DBNDD2: variants seen among roughly 807,000 people sequenced by gnomAD.
The protein encoded by DBNDD2 is dysbindin domain-containing protein 2.
Under a neutral mutation model 14.0 loss-of-function variants are expected in DBNDD2, and 8 were observed. The ratio of observed to expected loss-of-function variants is 0.57; its 90% CI spans 0.33 to 1.03. The LOEUF is 1.03. Ranked by LOEUF, DBNDD2 falls within the 50% of genes least tolerant of loss-of-function variation. DBNDD2 has a pLI of 0.03. For synonymous variants in DBNDD2, 94 were observed against 85.3 expected (o/e 1.10, Z -0.56); for missense variants, 194 against 206.0 (o/e 0.94, Z 0.36).
upstream of DBNDD2, chr20:45,406,525 G>C: frequency 2.6e-6 from 4 of 1,521,604 alleles, no homozygotes; most frequent in African/African-American, 2.9e-5. Context: ...TCCGACCGCC[G>C]GGCGAGCTGC....
upstream of DBNDD2, chr20:45,406,409 C>T (rs748007795): frequency 6.8e-7 from 1 of 1,479,726 alleles, no homozygotes; most frequent in South Asian, 1.3e-5. Context: ...GCGTCGGTGG[C>T]GAGGGTGGTG....
rs890474230 is a variant in DBNDD2 at position 45,410,485 on chromosome 20, G to A, written c.*345G>A. The A allele has an allele frequency of 3.7e-5, 11 of 297,270 alleles. No homozygotes were observed. Among genetic ancestry groups the A allele is most frequent in the Non-Finnish European group, 5.9e-5 (9 of 152,468 alleles). 18.4% of individuals were successfully genotyped at this position (297,270 alleles called of 1,614,324 possible). A position where few individuals can be genotyped will look rare whatever the true frequency, so the allele number is the denominator to read the frequency against. On this transcript the variant is annotated 3_prime_UTR_variant, in exon 3 of 3. Coordinates refer to ENST00000372710, the MANE Select transcript of DBNDD2 (RefSeq NM_001048225.4). ...TTCTAATACAGTCTCTCAGACAAGT[G>A]TCTCTAGATGGATGTGAACTCCTTA... is the stretch of plus-strand genomic sequence containing the variant.
Position 45,408,324 on chromosome 20 carries a change from A to G in DBNDD2, c.-144A>G, listed in dbSNP as rs745994960. The G allele has an allele frequency of 5.6e-6, 9 of 1,595,226 alleles. No individual in the cohort carries two copies. Among genetic ancestry groups the G allele is most frequent in the Non-Finnish European group, 7.7e-6 (9 of 1,170,800 alleles). Reference sequence around the variant, plus strand: ...TCAGGGAAGGGGAAAGAGGTCACCAAGGGCAGAGGTGTCCAGGCCGGAGCC... The same window carrying G: ...TCAGGGAAGGGGAAAGAGGTCACCAGGGGCAGAGGTGTCCAGGCCGGAGCC... On this transcript the variant is annotated 5_prime_UTR_variant, in exon 1 of 3. Transcript: ENST00000372710.
rs1305514123 is a variant in DBNDD2, at chr20:45,410,019, A to C, written c.365A>C (p.Asp122Ala). 1.3e-5 allele frequency: 20 copies of C among 1,551,320 alleles called. No individual in the cohort carries two copies. The highest frequency in any genetic ancestry group is 1.7e-5 in the Non-Finnish European group (19 of 1,147,082). The change falls in exon 3 of 3, where the codon GAC becomes GCC. Residue 122 changes from aspartate (D) to alanine (A), a missense_variant. Physicochemically the swap from Asp to Ala is moderately radical, Grantham distance 126. Transcript: ENST00000372710. ...AGGACCTCCTCCTCCTCCTCCTCCG[A>C]CTCCTCCACCAACCTGCATAGCCCA... is the stretch of plus-strand genomic sequence containing the variant. ...TSRTSSSSSSDSSTNLHSPNP... is the reference protein window; with the variant it reads ...TSRTSSSSSSASSTNLHSPNP...
At position 45,408,536 on chromosome 20, in the gene DBNDD2, C is replaced by T. The variant is rs34498991; in HGVS notation, c.69C>T (p.Phe23=). 925 of 1,614,266 alleles carry T rather than the reference C, an allele frequency of 5.7e-4. 5 individuals are homozygous for T. In the African/African-American group the frequency reaches 0.01, roughly 18 times the overall value. Residue 23 remains phenylalanine (F), a synonymous_variant, in exon 1 of 3, where the codon TTC becomes TTT. Coordinates refer to ENST00000372710, the MANE Select transcript of DBNDD2 (RefSeq NM_001048225.4). Reference sequence around the variant, plus strand: ...GCCTTCGGGAGCGGCAAAAATTCTTCGAGGACATTTTACAGCCAGAGACAG... The same window carrying T: ...GCCTTCGGGAGCGGCAAAAATTCTTTGAGGACATTTTACAGCCAGAGACAG... ...QLRLRERQKF[F]EDILQPETEF... is the part of the protein sequence containing the mutation.
intron 2 of DBNDD2, 104 bp from the exon 3 acceptor site, chr20:45,409,828 C>A: frequency 2.5e-6 from 3 of 1,220,104 alleles, no homozygotes; most frequent in Non-Finnish European, 3.5e-6. Context: ...TCACTTTGGA[C>A]AAGTCTCTGC....
At chr20:45,406,722 C>T, upstream of DBNDD2, 2 of 1,286,804 alleles carry the variant, frequency 1.6e-6, no homozygotes, top group Non-Finnish European at 2.0e-6. Flanking sequence ...GAGGGGGCGC[C>T]AGCGCTGCAG....
intron 1 of DBNDD2, 38 bp downstream of exon 1, chr20:45,408,644 G>A: frequency 6.2e-7 from 1 of 1,601,362 alleles, no homozygotes; most frequent in South Asian, 1.1e-5. Context: ...CTGGGGTAGG[G>A]TAGGGAGGAT....
chr20:45,407,876 C>A (rs1482937052), upstream of DBNDD2: 7 of 1,179,238 alleles, frequency 5.9e-6, no homozygotes, highest in East Asian at 1.6e-4. Flanking sequence ...CCTGTGACTT[C>A]AGAGCAAGGG....
At chr20:45,406,808 T>G, upstream of DBNDD2, 1 of 1,228,316 alleles carries the variant, frequency 8.1e-7, no homozygotes, top group South Asian at 3.6e-5. Context: ...GGGAACGGCC[T>G]TGGGGGAGCG....
At chr20:45,406,291 G>T, upstream of DBNDD2, 1 of 612,130 alleles carries the variant, frequency 1.6e-6, no homozygotes, top group South Asian at 2.3e-5. Context: ...CCCAAAAGGC[G>T]CAGAGCATCA....
At chr20:45,408,264 C>T (rs777641054), upstream of DBNDD2, 13 of 1,552,954 alleles carry the variant, frequency 8.4e-6, no homozygotes, top group Admixed American at 3.9e-5. Context: ...AGCCCCGCCT[C>T]TGCATGAGAC....
chr20:45,406,366 A>C, upstream of DBNDD2: 1 of 1,273,740 alleles, frequency 7.9e-7, no homozygotes, highest in Non-Finnish European at 1.1e-6. Context: ...GGGCGCAGCA[A>C]GTGCATCCGA....
intron 2 of DBNDD2, 48 bp from the exon 3 acceptor site, chr20:45,409,884 T>C (rs1989746272): frequency 6.5e-7 from 1 of 1,541,450 alleles, no homozygotes; most frequent in African/African-American, 1.4e-5. Context: ...TCTTTAAGAG[T>C]TCTCTGAAGC....
upstream of DBNDD2, chr20:45,407,848 C>G (rs1359066073): frequency 1.8e-6 from 2 of 1,123,964 alleles, no homozygotes; most frequent in Non-Finnish European, 2.2e-6. Context: ...AGGGGCAGAG[C>G]CTAGTCTGGA....
Position 45,410,367 on chromosome 20 carries a change from T to C in DBNDD2, c.*227T>C, listed in dbSNP as rs1989779559. 1 of 563,894 alleles carries C rather than the reference T, an allele frequency of 1.8e-6. No individual in the cohort carries two copies. The highest frequency in any genetic ancestry group is 3.2e-6 in the Non-Finnish European group (1 of 316,894). 34.9% of individuals were successfully genotyped at this position (563,894 alleles called of 1,614,324 possible). On this transcript the variant is annotated 3_prime_UTR_variant, in exon 3 of 3. Transcript: ENST00000372710. ...ACCAGTTTTTGGCTTACTCCTGAGA[T>C]ATGATTTGCAAATGAGGAGAGAGAA...
chr20:45,406,522 G>A (rs1463041782), upstream of DBNDD2: 5 of 1,522,130 alleles, frequency 3.3e-6, no homozygotes. Context: ...GCCTCCGACC[G>A]CCGGGCGAGC....
chr20:45,409,150 A>G (rs1440320536), intron 2 of DBNDD2: 1 of 720,020 alleles, frequency 1.4e-6, no homozygotes, highest in Non-Finnish European at 2.2e-6. Context: ...AATTCTGGGA[A>G]CGGTCAATCT....
At chr20:45,406,426 A>T (rs1430797237), upstream of DBNDD2, 5 of 1,516,736 alleles carry the variant, frequency 3.3e-6, no homozygotes, top group Non-Finnish European at 4.4e-6. Context: ...GGTGCAGAGG[A>T]GTCCGGCTGG....
Sources: allele counts gnomAD v4.1 joint callset, GRCh38; gene constraint gnomAD v4.1.1; transcripts MANE v1.5; gene names NCBI Gene and HGNC (gene_info 2026-07-23, HGNC 2026-07-21).